The following OPRL1 variants were observed in gnomAD, a reference collection of about 807,000 sequenced individuals.
The protein encoded by OPRL1 is opioid related nociceptin receptor 1.
A neutral mutation model predicts 15.5 loss-of-function variants in OPRL1; 5 were observed. The ratio of observed to expected loss-of-function variants is 0.32; its 90% CI spans 0.17 to 0.68. The LOEUF is 0.68. Among genes scored for constraint, OPRL1 ranks in the 30% least tolerant of loss-of-function variants. The pLI is 0.72. For synonymous variants in OPRL1, 223 were observed against 230.2 expected, an observed-to-expected ratio of 0.97 and a Z score of 0.28; for missense variants, 406 against 515.3, an observed-to-expected ratio of 0.79 and a Z score of 2.05.
At chr20:64,088,704 G>A (rs62218107) in intron 1 of OPRL1, among the ~76,000 whole-genome samples, 8,350 of 23,478 alleles carry the variant, frequency 0.36, 572 homozygotes, top group Admixed American at 0.39. Context: ...GGAGGCCAGG[G>A]TCTGTGCAGA....
chr20:64,098,254 G>A, intron 4 of OPRL1, 22 bp from the exon 5 acceptor site: 1 of 1,607,002 alleles, frequency 6.2e-7, no homozygotes, highest in South Asian at 1.1e-5. Flanking sequence ...GGCCCACTCT[G>A]ACCCCGTTTC....
chr20:64,081,035 G>T (rs1002638504), intron 1 of OPRL1, among the ~76,000 whole-genome samples: 2 of 152,084 alleles, frequency 1.3e-5, no homozygotes, highest in African/African-American at 4.8e-5. Context: ...ATCTTATGCT[G>T]GGGGGCGCAG....
Position 64,098,147 on chromosome 20 carries a change from C to G in OPRL1, c.579C>G (p.Val193=), listed in dbSNP as rs1172019008. ...TTGCCATCATGGGCTCGGCACAGGT[C>G]GAGGATGAAGGTCAGTGGGGTGTCC... is the stretch of plus-strand genomic sequence containing the variant. ...VPVAIMGSAQ[V]EDEEIECLVE... is the part of the protein sequence containing the mutation. Residue 193 remains valine, a synonymous_variant, in exon 4 of 5, where the codon GTC becomes GTG. Transcript: ENST00000336866. 6.2e-7 allele frequency: 1 copy of G among 1,612,900 alleles called. No individual in the cohort carries two copies. The highest frequency in any genetic ancestry group is 1.3e-5 in the African/African-American group (1 of 75,048).
rs1367711843 is a variant in OPRL1 at position 64,083,893 on chromosome 20, C to T, written c.-185+3541C>T. 2 of 1,442,596 alleles carry T rather than the reference C, an allele frequency of 1.4e-6. No homozygotes were observed. Among genetic ancestry groups the T allele is most frequent in the African/African-American group, 1.5e-5 (1 of 67,254 alleles). 89.4% of individuals were successfully genotyped at this position (1,442,596 alleles called of 1,614,324 possible). ...CCGCTGCCTTGAGGACGCCGAGGAG[C>T]CGGTTCTGGCGCTCGGCGGGCAGCT... is the stretch of plus-strand genomic sequence containing the variant. On this transcript the variant is annotated intron_variant, in intron 1 of 4. Transcript: ENST00000336866. This position sits in a 1 kb window ranked among gnomAD's most constrained non-coding sequence, Gnocchi z 4.9.
intron 1 of OPRL1, among the ~76,000 whole-genome samples, chr20:64,085,602 C>T (rs1190329842): frequency 1.3e-5 from 2 of 152,150 alleles, no homozygotes; most frequent in Non-Finnish European, 1.5e-5. Context: ...GTGCTTATTC[C>T]ACAGTTTAAA....
At position 64,097,265 on chromosome 20, in the gene OPRL1, T is replaced by A. The variant is rs972104658; in HGVS notation, c.234-537T>A. On this transcript the variant is annotated intron_variant, in intron 3 of 4. Coordinates refer to ENST00000336866, the MANE Select transcript of OPRL1 (RefSeq NM_182647.4). The surrounding 1 kb of genome is among the most constrained non-coding windows in gnomAD (Gnocchi z 4.2). ...TACACTCATACCTTATTAGCATCCC[T>A]CCTGTCCCCCCGTCACCATTTTCGG... is the stretch of plus-strand genomic sequence containing the variant. Among the ~76,000 whole-genome samples the A allele has an allele frequency of 2.0e-5, 3 of 152,158 alleles. No homozygotes were observed. Among genetic ancestry groups the A allele is most frequent in the Non-Finnish European group, 4.4e-5 (3 of 68,030 alleles).
At chr20:64,082,847 G>T (rs2059983087) in intron 1 of OPRL1, among the ~76,000 whole-genome samples, 1 of 151,764 alleles carries the variant, frequency 6.6e-6, no homozygotes, top group Non-Finnish European at 1.5e-5. Flanking sequence ...GTGTGGCATG[G>T]GGCATTAAAG....
At chr20:64,095,749 C>A (rs904629979) in intron 3 of OPRL1, among the ~76,000 whole-genome samples, 1 of 151,914 alleles carries the variant, frequency 6.6e-6, no homozygotes, top group Non-Finnish European at 1.5e-5. Flanking sequence ...TCCCTCCTTA[C>A]AACCTCAAAG....
intron 1 of OPRL1, among the ~76,000 whole-genome samples, chr20:64,080,973 C>T (rs1569266485): frequency 6.6e-6 from 1 of 152,140 alleles, no homozygotes; most frequent in African/African-American, 2.4e-5. Context: ...TATCTGGGTG[C>T]CCCTGTGGGC....
In OPRL1 at chr20:64,097,747, G is replaced by T; in HGVS notation, c.234-55G>T. 1 of 1,523,136 alleles carries T rather than the reference G, an allele frequency of 6.6e-7. No homozygotes were observed. The allele number at this position is 1,523,136 out of a possible 1,614,324, so 94.4% of individuals were successfully genotyped here. ...CAAGAGGAGCCCCTTGCCCTTTGCT[G>T]CCTGGTCCAGCCAGCATGGCCAAGT... On this transcript the variant is annotated intron_variant, in intron 3 of 4. Transcript: ENST00000336866. This position sits in a 1 kb window ranked among gnomAD's most constrained non-coding sequence, Gnocchi z 4.2.
In OPRL1 at chr20:64,099,226, T is replaced by G; in HGVS notation, c.*427T>G. The G allele has an allele frequency of 4.5e-6, 1 of 220,080 alleles. No homozygotes were observed. Among genetic ancestry groups the G allele is most frequent in the Non-Finnish European group, 9.0e-6 (1 of 110,844 alleles). 13.6% of individuals were successfully genotyped at this position (220,080 alleles called of 1,614,324 possible). On this transcript the variant is annotated 3_prime_UTR_variant, in exon 5 of 5. Transcript: ENST00000336866. ...CGGAGGAGGAGCAGCAGCTGTGTCA[T>G]CCTGTGCCCCCCATGTGCTGTGTGC...
At position 64,090,173 on chromosome 20, in the gene OPRL1, G is replaced by T. The variant is rs1212672919; in HGVS notation, c.-184-1793G>T. ...CGTGTGTTTGTGCATCCCTGTGAGT[G>T]TCTGCATTTCTGAGTGTGTACCCAT... is the stretch of plus-strand genomic sequence containing the variant. On this transcript the variant is annotated intron_variant, in intron 1 of 4. Coordinates refer to ENST00000336866, the MANE Select transcript of OPRL1 (RefSeq NM_182647.4). The surrounding 1 kb of genome is among the most constrained non-coding windows in gnomAD (Gnocchi z 4.9). Among the ~76,000 whole-genome samples, 5 of 152,210 alleles carry T rather than the reference G, an allele frequency of 3.3e-5. No homozygotes were observed. Among genetic ancestry groups the T allele is most frequent in the Admixed American group, 6.5e-5 (1 of 15,280 alleles).
At position 64,098,904 on chromosome 20, in the gene OPRL1, C is replaced by A; in HGVS notation, c.*105C>A. ...CTCTCTAGGCGGACACACCCTGGGC[C>A]CTGAGCATCCAGAGCCTGGGATGGG... On this transcript the variant is annotated 3_prime_UTR_variant, in exon 5 of 5. Coordinates refer to ENST00000336866, the MANE Select transcript of OPRL1 (RefSeq NM_182647.4). 1 of 1,404,122 alleles carries A rather than the reference C, an allele frequency of 7.1e-7. No homozygotes were observed. The highest frequency in any genetic ancestry group is 9.4e-7 in the Non-Finnish European group (1 of 1,063,956). The allele number at this position is 1,404,122 out of a possible 1,614,324, so 87.0% of individuals were successfully genotyped here. A position where few individuals can be genotyped will look rare whatever the true frequency, so the allele number is the denominator to read the frequency against.
intron 1 of OPRL1, among the ~76,000 whole-genome samples, chr20:64,081,319 G>A (rs1023243623): frequency 2.0e-5 from 3 of 152,220 alleles, no homozygotes; most frequent in African/African-American, 4.8e-5. Context: ...ACTCCTGAGC[G>A]GTGGGCACAG....
chr20:64,097,405 G>A lies in OPRL1; in HGVS notation c.234-397G>A, dbSNP rs761511522. Among the ~76,000 whole-genome samples, 2 of 152,144 alleles carry A rather than the reference G, an allele frequency of 1.3e-5. No homozygotes were observed. Among genetic ancestry groups the A allele is most frequent in the South Asian group, 2.1e-4 (1 of 4,830 alleles). ...GGGTCAGCATTTGAGTCTGTGAGGG[G>A]TCATGGAGGGGACTCAAAAGCAAGG... On this transcript the variant is annotated intron_variant, in intron 3 of 4. Coordinates refer to ENST00000336866, the MANE Select transcript of OPRL1 (RefSeq NM_182647.4). This position sits in a 1 kb window ranked among gnomAD's most constrained non-coding sequence, Gnocchi z 4.2.
chr20:64,100,639 T>C (rs6089789), downstream of OPRL1: 142,452 of 152,350 alleles, frequency 0.94, 66,641 homozygotes, highest in East Asian at 1. Context: ...GGGTATTCTT[T>C]GTAACCAGTG....
chr20:64,091,774 GTC>G (rs2060120229), intron 1 of OPRL1, among the ~76,000 whole-genome samples, 190 bp from the exon 2 acceptor site: 1 of 151,332 alleles, frequency 6.6e-6, no homozygotes, highest in Admixed American at 6.6e-5. Flanking sequence ...GTGCGTGTGT[GTC>G]TGTCTGGGGT....
chr20:64,085,186 C>T (rs1336754875), intron 1 of OPRL1: 1 of 152,360 alleles, frequency 6.6e-6, no homozygotes, highest in East Asian at 1.9e-4. Context: ...ACGCGCCATC[C>T]TAGGGGTTGT....
intron 1 of OPRL1, among the ~76,000 whole-genome samples, chr20:64,085,709 G>GACACCTTGCTGGGAGTTTGGA (rs2060040918): frequency 1.3e-5 from 2 of 152,176 alleles, no homozygotes; most frequent in South Asian, 4.1e-4. Context: ...CTGCCGCTGG[G>GACACCTTGCTGGGAGTTTGGA]ACACCTTGCT....
Sources: gnomAD v4.1 joint callset for allele counts (sites outside exome capture counted in the v4.1 genomes callset) on GRCh38, gnomAD v4.1.1 for gene constraint, Gnocchi (gnomAD v3.1) non-coding constraint, MANE v1.5 for transcripts, NCBI Gene and HGNC (gene_info 2026-07-23, HGNC 2026-07-21) for gene names.